KIAA1217: variants seen among roughly 807,000 people sequenced by gnomAD.
KIAA1217 encodes sickle tail protein homolog.
A neutral mutation model predicts 163.9 loss-of-function variants in KIAA1217; 88 were observed. The observed-to-expected ratio is 0.54, with a 90% CI of 0.45 to 0.64. The LOEUF (loss-of-function observed/expected upper bound fraction) is 0.64. Ranked by LOEUF, KIAA1217 falls within the 30% of genes least tolerant of loss-of-function variation. The pLI is 0.00. For missense variants in KIAA1217, 2,372 were observed against 2,475.0 expected (o/e 0.96, Z 0.88); for synonymous variants, 903 against 923.1 (o/e 0.98, Z 0.39).
chr10:24,537,696 G>T (rs4748953), intron 17 of KIAA1217, among the ~76,000 whole-genome samples: 1 of 152,028 alleles, frequency 6.6e-6, no homozygotes, highest in African/African-American at 2.4e-5. Flanking sequence ...TTGCACAAAC[G>T]TCCAAGGATG....
At chr10:24,094,383 T>C (rs1248424465) in intron 2 of KIAA1217, among the ~76,000 whole-genome samples, 1 of 152,214 alleles carries the variant, frequency 6.6e-6, no homozygotes, top group East Asian at 1.9e-4. Context: ...TGGTCTTTGA[T>C]GATGGTGATG....
rs1011732047 is a variant in KIAA1217, at chr10:24,545,089, C to T, written c.5320C>T (p.Arg1774Cys). 4 of 1,614,144 alleles carry T rather than the reference C, an allele frequency of 2.5e-6. No homozygotes were observed. The highest frequency in any genetic ancestry group is 2.2e-5 in the East Asian group (1 of 44,880). ...CAAGCAGTCCAAACTGCAGGATCCC[C>T]GCCAATATCGTCAGGTAGTTTTACC... ...PGKQSKLQDP[R>C]QYRQANGSAK... The change falls in exon 20 of 21, where the codon CGC (arginine) becomes TGC (cysteine). Residue 1774 changes from arginine to cysteine, a missense_variant. Around this residue, in one of 3 missense-constraint regions of KIAA1217, gnomAD observed 690 missense variants for 677.5 expected, o/e 1.02. Transcript: ENST00000376454.
chr10:24,246,790 G>T (rs1175389345), intron 2 of KIAA1217, among the ~76,000 whole-genome samples: 1 of 152,136 alleles, frequency 6.6e-6, no homozygotes, highest in Non-Finnish European at 1.5e-5. Flanking sequence ...AAGGCAGGAG[G>T]ATCAGTTGAG....
chr10:24,429,720 T>C (rs11599461), intron 3 of KIAA1217, among the ~76,000 whole-genome samples: 23,808 of 152,120 alleles, frequency 0.16, 2,064 homozygotes, highest in African/African-American at 0.24. Context: ...TCTATAAAAA[T>C]GTTTGTGACA....
intron 2 of KIAA1217, among the ~76,000 whole-genome samples, chr10:24,026,552 G>A (rs113121931): frequency 0.014 from 2,052 of 151,666 alleles, 44 homozygotes; most frequent in African/African-American, 0.047. Context: ...TTGGTATAAA[G>A]CTATTCATAA....
upstream of KIAA1217, among the ~76,000 whole-genome samples, chr10:24,208,374 GGTGTGT>G (rs10539475): frequency 5.5e-3 from 814 of 148,742 alleles, 8 homozygotes; most frequent in African/African-American, 0.018. Context: ...TTAAGGGCTG[GGTGTGT>G]GTGTGTGTGT....
intron 1 of KIAA1217, among the ~76,000 whole-genome samples, chr10:23,893,788 A>G (rs1358525731): frequency 6.6e-6 from 1 of 152,126 alleles, no homozygotes; most frequent in African/African-American, 2.4e-5. Flanking sequence ...AAGCTTATCC[A>G]TCATGATCAA....
intron 2 of KIAA1217, among the ~76,000 whole-genome samples, chr10:24,193,567 G>T (rs572499272): frequency 6.6e-6 from 1 of 152,250 alleles, no homozygotes; most frequent in South Asian, 2.1e-4. Context: ...CTTTATCTGT[G>T]GGGGAGAACT....
At position 24,473,704 on chromosome 10, in the gene KIAA1217, A is replaced by G. The variant is rs1213114901; in HGVS notation, c.1323A>G (p.Gln441=). Residue 441 remains glutamine, a synonymous_variant, in exon 6 of 21, where the codon CAA becomes CAG. Coordinates refer to ENST00000376454, the MANE Select transcript of KIAA1217 (RefSeq NM_019590.5). ...SASAYCNPSM[Q]AEMHMEQSLY... is the part of the protein sequence containing the mutation. ...GTGCTTATTGTAACCCCTCAATGCA[A>G]GCGGAAATGCATATGGAACAATCAC... 5 of 1,613,924 alleles carry G rather than the reference A, an allele frequency of 3.1e-6. No individual in the cohort carries two copies. The African/African-American group carries it at 6.7e-5, about 22-fold the overall frequency.
At chr10:23,763,633 A>G (rs1834372519) in intron 1 of KIAA1217, among the ~76,000 whole-genome samples, 1 of 152,206 alleles carries the variant, frequency 6.6e-6, no homozygotes, top group East Asian at 1.9e-4. Flanking sequence ...TAAAACCCAG[A>G]ACCATAAAAA....
chr10:24,266,271 G>T (rs2076227511), intron 2 of KIAA1217, among the ~76,000 whole-genome samples: 1 of 152,060 alleles, frequency 6.6e-6, no homozygotes, highest in African/African-American at 2.4e-5. Flanking sequence ...TAGAGACAGG[G>T]TTTCACCATG....
At chr10:23,746,423 T>A (rs1410050090) in intron 1 of KIAA1217, among the ~76,000 whole-genome samples, 1 of 152,118 alleles carries the variant, frequency 6.6e-6, no homozygotes, top group Non-Finnish European at 1.5e-5. Context: ...CTTTATTTTT[T>A]ATTTTATTTT....
intron 2 of KIAA1217, among the ~76,000 whole-genome samples, chr10:24,258,754 G>A (rs536491960): frequency 3.9e-5 from 6 of 151,998 alleles, no homozygotes; most frequent in South Asian, 2.1e-4. Flanking sequence ...CACCAAGCCC[G>A]GCTAATTTTT....
intron 1 of KIAA1217, among the ~76,000 whole-genome samples, chr10:23,810,320 C>T (rs183705101): frequency 2.5e-3 from 367 of 145,674 alleles, no homozygotes; most frequent in Non-Finnish European, 3.9e-3. Context: ...GTGTAGATAT[C>T]TATATATACA....
chr10:24,520,641 A>ATATATAT (rs1554926651), intron 11 of KIAA1217, among the ~76,000 whole-genome samples: 5 of 87,046 alleles, frequency 5.7e-5, no homozygotes, highest in African/African-American at 1.8e-4. Flanking sequence ...AAAAAAAAAA[A>ATATATAT]AAAAAAAAAA....
chr10:24,524,381 G>C lies in KIAA1217; in HGVS notation c.2515G>C (p.Ala839Pro). 1 of 1,614,238 alleles carries C rather than the reference G, an allele frequency of 6.2e-7. No homozygotes were observed. Among genetic ancestry groups the C allele is most frequent in the Middle Eastern group, 1.6e-4 (1 of 6,062 alleles). ...CGCAGCCCAAGCCGCACAGTACATGGCTATGGAAAAGGCCACAGCCGCAGA... is the reference window on the plus strand; with the variant it reads ...CGCAGCCCAAGCCGCACAGTACATGCCTATGGAAAAGGCCACAGCCGCAGA... Reference protein sequence around the residue: ...TDAAQAAQYMAMEKATAAEVL... With the variant: ...TDAAQAAQYMPMEKATAAEVL... The change falls in exon 13 of 21, where the codon GCT becomes CCT. Residue 839 changes from alanine to proline, a missense_variant. By Grantham distance (27) the Ala-to-Pro change is conservative (BLOSUM62 -1). Around this residue, in one of 3 missense-constraint regions of KIAA1217, gnomAD observed 1,431 missense variants for 1,470.3 expected, o/e 0.97. Transcript: ENST00000376454.
intron 3 of KIAA1217, among the ~76,000 whole-genome samples, chr10:24,423,814 G>A (rs145033767): frequency 1.6e-4 from 24 of 152,250 alleles, no homozygotes; most frequent in African/African-American, 5.3e-4. Flanking sequence ...GGGATTACAG[G>A]CATGAGCCAC....
intron 14 of KIAA1217, 116 bp from the exon 15 acceptor site, chr10:24,531,714 A>G (rs2073153350): frequency 4.9e-6 from 5 of 1,018,316 alleles, no homozygotes; most frequent in Admixed American, 3.0e-5. Flanking sequence ...TCCTTGCTCT[A>G]TGGAGAGAAC....
chr10:23,825,680 G>A lies in KIAA1217; in HGVS notation c.-321+130446G>A, dbSNP rs75060026. On this transcript the variant is annotated intron_variant, in intron 1 of 18. Transcript: ENST00000376462. ...CAGTTTAGTTCTGAATAATATATGC[G>A]TTATTCTGGATTGCTAAGCACTTAG... Among the ~76,000 whole-genome samples, 1,360 of 152,260 alleles carry A rather than the reference G, an allele frequency of 8.9e-3. 24 individuals are homozygous for A. The highest frequency in any genetic ancestry group is 0.031 in the African/African-American group (1,298 of 41,532).
Sources: allele counts gnomAD v4.1 joint callset (sites outside exome capture counted in the v4.1 genomes callset), GRCh38; gene constraint gnomAD v4.1.1; regional missense constraint gnomAD v4.1.1; transcripts MANE v1.5; gene names NCBI Gene and HGNC (gene_info 2026-07-23, HGNC 2026-07-21).